CDCA7L: variants seen among roughly 807,000 people sequenced by gnomAD.
CDCA7L encodes the protein cell division cycle associated 7 like.
CDCA7L carries 44 observed loss-of-function variants against 57.4 expected under a neutral mutation model. That is an observed-to-expected ratio of 0.77 (90% CI 0.60 to 0.98). The LOEUF is 0.98. Ranked by LOEUF, CDCA7L falls within the 50% of genes least tolerant of loss-of-function variation. The pLI, the probability that CDCA7L is intolerant of heterozygous loss-of-function variation, is 0.00. For missense variants in CDCA7L, 644 were observed against 580.6 expected, an observed-to-expected ratio of 1.11 and a Z score of -1.12; for synonymous variants, 236 against 202.8, an observed-to-expected ratio of 1.16 and a Z score of -1.39.
chr7:21,906,557 G>C lies in CDCA7L; in HGVS notation c.753+11C>G. On this transcript the variant is annotated intron_variant, in intron 5 of 9. Transcript: ENST00000406877. ...ATCAGTATTGGTATAATTATAAGGA[G>C]TTCTACTTACAGAAGCTGAGGTTGG... 1 of 1,614,022 alleles carries C rather than the reference G, an allele frequency of 6.2e-7. No individual in the cohort carries two copies. Among genetic ancestry groups the C allele is most frequent in the Non-Finnish European group, 8.5e-7 (1 of 1,179,926 alleles).
chr7:21,901,887 C>T lies in CDCA7L; in HGVS notation c.*435G>A, dbSNP rs377241657. ...TTCCAATGACCAAGAGCAGGTTAAA[C>T]GATGTGTGTGGTCTATTAAACTGTG... On this transcript the variant is annotated 3_prime_UTR_variant, in exon 10 of 10. Coordinates refer to ENST00000406877, the MANE Select transcript of CDCA7L (RefSeq NM_018719.5). 327 of 184,884 alleles carry T rather than the reference C, an allele frequency of 1.8e-3. 1 individual carries two copies. Among genetic ancestry groups the T allele is most frequent in the African/African-American group, 4.6e-3 (194 of 42,492 alleles). 11.5% of individuals were successfully genotyped at this position (184,884 alleles called of 1,614,324 possible).
intron 1 of CDCA7L, among the ~76,000 whole-genome samples, chr7:21,925,274 A>G (rs1785787573): frequency 6.6e-6 from 1 of 152,252 alleles, no homozygotes; most frequent in Non-Finnish European, 1.5e-5. Flanking sequence ...AAAAGTCCTC[A>G]GCCTACCTAG....
chr7:21,902,788 G>C (rs1291655161), intron 9 of CDCA7L, 190 bp downstream of exon 9: 1 of 573,496 alleles, frequency 1.7e-6, no homozygotes, highest in Non-Finnish European at 3.0e-6. Flanking sequence ...TAGCAAAGGA[G>C]AAGATTCCCT....
At position 21,911,743 on chromosome 7, in the gene CDCA7L, G is replaced by C; in HGVS notation, c.177C>G (p.Arg59=). Residue 59 remains arginine (R), a synonymous_variant, in exon 3 of 10, where the codon CGC becomes CGG. Coordinates refer to ENST00000406877, the MANE Select transcript of CDCA7L (RefSeq NM_018719.5). ...SLESGKQQDV[R]FHSKYFTEEL... ...CTTCTGTGAAGTATTTGGAATGAAA[G>C]CGCACATCCTGCTAAATTAAAGACA... 6.2e-7 allele frequency: 1 copy of C among 1,612,358 alleles called. No individual in the cohort carries two copies. The highest frequency in any genetic ancestry group is 1.1e-5 in the South Asian group (1 of 90,644).
intron 1 of CDCA7L, among the ~76,000 whole-genome samples, chr7:21,938,761 T>C (rs1490336948): frequency 6.6e-6 from 1 of 152,148 alleles, no homozygotes; most frequent in African/African-American, 2.4e-5. Context: ...TCCCAGCACT[T>C]TGGGAGGCCA....
intron 1 of CDCA7L, among the ~76,000 whole-genome samples, chr7:21,942,760 G>C (rs903307843): frequency 6.6e-6 from 1 of 152,160 alleles, no homozygotes; most frequent in Non-Finnish European, 1.5e-5. Context: ...GGATGGGGTA[G>C]CCAGCAGAAC....
intron 7 of CDCA7L, among the ~76,000 whole-genome samples, chr7:21,905,294 A>G (rs1785103918): frequency 6.6e-6 from 1 of 152,098 alleles, no homozygotes; most frequent in Non-Finnish European, 1.5e-5. Flanking sequence ...GATTCTACGC[A>G]TCCCTAAGAG....
chr7:21,930,876 T>C (rs969514853), intron 1 of CDCA7L, among the ~76,000 whole-genome samples: 6 of 151,220 alleles, frequency 4.0e-5, no homozygotes, highest in Admixed American at 3.3e-4. Flanking sequence ...ATCAACAAAA[T>C]AGACCGCTAG....
chr7:21,926,579 T>C (rs1277883538), intron 1 of CDCA7L, among the ~76,000 whole-genome samples: 3 of 151,904 alleles, frequency 2.0e-5, no homozygotes, highest in East Asian at 1.9e-4. Flanking sequence ...AAACCAAAAA[T>C]AGGTAATACT....
intron 6 of CDCA7L, 49 bp from the exon 7 acceptor site, chr7:21,905,680 A>G: frequency 6.4e-7 from 1 of 1,566,818 alleles, no homozygotes; most frequent in Non-Finnish European, 8.6e-7. Context: ...AGCAGTTATA[A>G]AAAAATTATA....
Position 21,916,786 on chromosome 7 carries a change from C to T in CDCA7L, c.133G>A (p.Asp45Asn), listed in dbSNP as rs937337760. The change falls in exon 2 of 10, where the codon GAT becomes AAT. Residue 45 changes from aspartate to asparagine, a missense_variant. Physicochemically the swap from Asp to Asn is conservative, Grantham distance 23. Transcript: ENST00000406877. ...CCTGACTCTAGTGAGTCAAAACTAT[C>T]GCAGCTCTCCTCTGACGAGAGGGTT... is the stretch of plus-strand genomic sequence containing the variant. ...METLSSEESCDSFDSLESGKQ... is the reference protein window; with the variant it reads ...METLSSEESCNSFDSLESGKQ... 2.5e-6 allele frequency: 4 copies of T among 1,613,876 alleles called. No individual in the cohort carries two copies. The highest frequency in any genetic ancestry group is 2.7e-5 in the African/African-American group (2 of 74,878).
intron 1 of CDCA7L, among the ~76,000 whole-genome samples, chr7:21,942,630 CTAA>C (rs1786375078): frequency 6.6e-6 from 1 of 152,194 alleles, no homozygotes; most frequent in African/African-American, 2.4e-5. Flanking sequence ...TTAATTTACT[CTAA>C]TGTTTGTAAT....
At chr7:21,927,196 G>C (rs984402966) in intron 1 of CDCA7L, among the ~76,000 whole-genome samples, 1 of 152,084 alleles carries the variant, frequency 6.6e-6, no homozygotes, top group African/African-American at 2.4e-5. Context: ...GAAAACACTG[G>C]ACTTACTAGA....
Position 21,902,982 on chromosome 7 carries a change from C to T in CDCA7L, c.1330G>A (p.Glu444Lys). 6.2e-7 allele frequency: 1 copy of T among 1,613,778 alleles called. No individual in the cohort carries two copies. Among genetic ancestry groups the T allele is most frequent in the Non-Finnish European group, 8.5e-7 (1 of 1,179,782 alleles). The change falls in exon 9 of 10, where the codon GAG becomes AAG. Residue 444 changes from glutamate (E) to lysine (K), a missense_variant. Physicochemically the swap from Glu to Lys is moderately conservative, Grantham distance 56. Transcript: ENST00000406877. ...AGCTGCTAGAGACTTACTTACCTCT[C>T]CAGATATTCCTTAACATTGTCATAA... ...YGYDNVKEYL[E>K]SLQKELVEDN
At chr7:21,937,777 A>G (rs960277165) in intron 1 of CDCA7L, among the ~76,000 whole-genome samples, 3 of 152,250 alleles carry the variant, frequency 2.0e-5, no homozygotes, top group Admixed American at 1.3e-4. Flanking sequence ...AAATGAATAA[A>G]GAGCCCAGAT....
intron 8 of CDCA7L, among the ~76,000 whole-genome samples, chr7:21,903,429 G>C (rs77863538): frequency 1.3e-5 from 2 of 152,278 alleles, no homozygotes; most frequent in East Asian, 3.9e-4. Context: ...CCTGGTTTAG[G>C]AGCACAAGGT....
intron 1 of CDCA7L, among the ~76,000 whole-genome samples, chr7:21,939,708 C>T (rs934563236): frequency 6.6e-5 from 10 of 152,252 alleles, no homozygotes; most frequent in African/African-American, 2.2e-4. Context: ...GACTCTCCTG[C>T]CTGCCACATG....
At chr7:21,914,394 A>G (rs936358678) in intron 2 of CDCA7L, among the ~76,000 whole-genome samples, 1 of 152,232 alleles carries the variant, frequency 6.6e-6, no homozygotes, top group African/African-American at 2.4e-5. Context: ...AGACAGGTCC[A>G]CGAATAACCC....
intron 1 of CDCA7L, among the ~76,000 whole-genome samples, chr7:21,931,423 T>C (rs1283204866): frequency 6.6e-6 from 1 of 152,176 alleles, no homozygotes; most frequent in Non-Finnish European, 1.5e-5. Context: ...AAAAAGCTTA[T>C]CCACCAGGAT....
Sources: allele counts gnomAD v4.1 joint callset (sites outside exome capture counted in the v4.1 genomes callset), GRCh38; gene constraint gnomAD v4.1.1; transcripts MANE v1.5; gene names NCBI Gene and HGNC (gene_info 2026-07-23, HGNC 2026-07-21).